The following CBL variants were observed in gnomAD, a reference collection of about 807,000 sequenced individuals.
The protein encoded by CBL is E3 ubiquitin-protein ligase CBL.
A neutral mutation model predicts 96.9 loss-of-function variants in CBL; 45 were observed. The ratio of observed to expected loss-of-function variants is 0.46; its 90% CI spans 0.37 to 0.60. CBL has a LOEUF of 0.60. Among genes scored for constraint, CBL ranks in the 20% least tolerant of loss-of-function variants. The pLI, the probability that CBL is intolerant of heterozygous loss-of-function variation, is 0.00. For missense variants in CBL, 1,024 were observed against 1,143.5 expected (o/e 0.90, Z 1.51); for synonymous variants, 420 against 426.8 (o/e 0.98, Z 0.20).
intron 2 of CBL, among the ~76,000 whole-genome samples, chr11:119,240,385 G>A (rs776334371): frequency 2.0e-4 from 31 of 152,092 alleles, no homozygotes; most frequent in Non-Finnish European, 3.4e-4. Context: ...CTGAAACCAG[G>A]ATTGAAATGT....
chr11:119,253,076 G>A (rs2135281549), intron 2 of CBL, among the ~76,000 whole-genome samples: 1 of 152,090 alleles, frequency 6.6e-6, no homozygotes, highest in South Asian at 2.1e-4. Context: ...TGTAGAATAA[G>A]GTTACATGCA....
Position 119,305,093 on chromosome 11 carries a change from A to G in CBL, c.*5312A>G, listed in dbSNP as rs1591274239. 4.5e-6 allele frequency: 1 copy of G among 219,796 alleles called. No homozygotes were observed. Among genetic ancestry groups the G allele is most frequent in the East Asian group, 6.6e-5 (1 of 15,078 alleles). The allele number at this position is 219,796 out of a possible 1,614,324, so 13.6% of individuals were successfully genotyped here. Reference sequence around the variant, plus strand: ...CAGAGACTCCACAGACACCCTAAAAAGGCTTCTACTCAAGAAGTAAAGCCA... The same window carrying G: ...CAGAGACTCCACAGACACCCTAAAAGGGCTTCTACTCAAGAAGTAAAGCCA... On this transcript the variant is annotated 3_prime_UTR_variant, in exon 16 of 16. Transcript: ENST00000264033.
At chr11:119,229,071 G>T (rs916431565) in intron 1 of CBL, among the ~76,000 whole-genome samples, 13 of 152,020 alleles carry the variant, frequency 8.6e-5, no homozygotes, top group Non-Finnish European at 1.8e-4. Flanking sequence ...TTAATATAAA[G>T]CATGTTTAGT....
chr11:119,269,007 C>G (rs1187305326), intron 2 of CBL, among the ~76,000 whole-genome samples: 1 of 152,208 alleles, frequency 6.6e-6, no homozygotes, highest in African/African-American at 2.4e-5. Flanking sequence ...GTCTGAGCCA[C>G]AGGCTGCTGA....
chr11:119,232,813 T>G (rs1033317635), intron 2 of CBL, 118 bp downstream of exon 2: 3 of 1,017,576 alleles, frequency 2.9e-6, no homozygotes, highest in Non-Finnish European at 4.5e-6. Flanking sequence ...AAGTTGACAT[T>G]TGATTTAAAG....
At chr11:119,211,914 A>G (rs1185163345) in intron 1 of CBL, among the ~76,000 whole-genome samples, 1 of 151,938 alleles carries the variant, frequency 6.6e-6, no homozygotes, top group Non-Finnish European at 1.5e-5. Context: ...TTTTATTTTT[A>G]TTTTATTTTT....
At position 119,306,110 on chromosome 11, in the gene CBL, G is replaced by A; in HGVS notation, c.*6329G>A. 1 of 395,998 alleles carries A rather than the reference G, an allele frequency of 2.5e-6. No individual in the cohort carries two copies. The highest frequency in any genetic ancestry group is 4.4e-6 in the Non-Finnish European group (1 of 224,852). 24.5% of individuals were successfully genotyped at this position (395,998 alleles called of 1,614,324 possible). A position where few individuals can be genotyped will look rare whatever the true frequency, so the allele number is the denominator to read the frequency against. ...TCTGGAAAGTAGCAAAAGAGTAGGA[G>A]ATGGGGAAATAGGGATGGGGAGAGC... On this transcript the variant is annotated 3_prime_UTR_variant, in exon 16 of 16. Transcript: ENST00000264033.
Position 119,303,227 on chromosome 11 carries a change from C to T in CBL, c.*3446C>T, listed in dbSNP as rs1950113588. On this transcript the variant is annotated 3_prime_UTR_variant, in exon 16 of 16. Coordinates refer to ENST00000264033, the MANE Select transcript of CBL (RefSeq NM_005188.4). ...GATAAAGCAGAATATTCTCCTACCT[C>T]ACGTCATTAAAGTCAGAAGATTATA... is the stretch of plus-strand genomic sequence containing the variant. 4.3e-6 allele frequency: 1 copy of T among 231,768 alleles called. No individual in the cohort carries two copies. The highest frequency in any genetic ancestry group is 2.2e-5 in the African/African-American group (1 of 45,258). The allele number at this position is 231,768 out of a possible 1,614,324, so 14.4% of individuals were successfully genotyped here. A position where few individuals can be genotyped will look rare whatever the true frequency, so the allele number is the denominator to read the frequency against.
chr11:119,302,697 G>T lies in CBL; in HGVS notation c.*2916G>T, dbSNP rs984262706. Reference sequence around the variant, plus strand: ...ACTGGACCTTTCCAGCTGTCGCCATGTTCCTTCCACTAAAGTAGAGGGTTC... The same window carrying T: ...ACTGGACCTTTCCAGCTGTCGCCATTTTCCTTCCACTAAAGTAGAGGGTTC... On this transcript the variant is annotated 3_prime_UTR_variant, in exon 16 of 16. Transcript: ENST00000264033. 11 of 231,394 alleles carry T rather than the reference G, an allele frequency of 4.8e-5. No homozygotes were observed. The highest frequency in any genetic ancestry group is 2.4e-4 in the African/African-American group (11 of 45,238). The allele number at this position is 231,394 out of a possible 1,614,324, so 14.3% of individuals were successfully genotyped here. A position where few individuals can be genotyped will look rare whatever the true frequency, so the allele number is the denominator to read the frequency against.
rs1950112754 is a variant in CBL at position 119,303,126 on chromosome 11, T to A, written c.*3345T>A. On this transcript the variant is annotated 3_prime_UTR_variant, in exon 16 of 16. Transcript: ENST00000264033. ...CAACTCACAAATTTTTATAACAAAA[T>A]TTCCTTGTAAAAACTAGGGACCATC... 1 of 231,756 alleles carries A rather than the reference T, an allele frequency of 4.3e-6. No individual in the cohort carries two copies. The highest frequency in any genetic ancestry group is 1.8e-4 in the South Asian group (1 of 5,516). The allele number at this position is 231,756 out of a possible 1,614,324, so 14.4% of individuals were successfully genotyped here. A position where few individuals can be genotyped will look rare whatever the true frequency, so the allele number is the denominator to read the frequency against.
Position 119,239,875 on chromosome 11 carries a change from TGGACAGCTGAGTGCTA to T in CBL, c.443+7182_443+7197del, listed in dbSNP as rs1949572119. On this transcript the variant is annotated intron_variant, in intron 2 of 15. Transcript: ENST00000264033. Reference sequence around the variant, plus strand: ...TTTTCTTTTTTTGATAGGTGAGTTGTGGACAGCTGAGTGCTAGTTAAATATAGTACATAGAAAGAAT... The same window carrying T: ...TTTTCTTTTTTTGATAGGTGAGTTGTGTTAAATATAGTACATAGAAAGAAT... 3.9e-5 allele frequency among the ~76,000 whole-genome samples: 6 copies of T among 152,238 alleles called. No homozygotes were observed. In the South Asian group the frequency reaches 1.2e-3, roughly 32 times the overall value.
chr11:119,239,010 C>T (rs1331450555), intron 2 of CBL, among the ~76,000 whole-genome samples: 2 of 152,098 alleles, frequency 1.3e-5, no homozygotes, highest in Admixed American at 1.3e-4. Context: ...TCTGTTGTTG[C>T]CCAGGCTGGA....
rs755938138 is a variant in CBL at position 119,298,496 on chromosome 11, GCTC to G, written c.2396_2398del (p.Ser799del). On this transcript the variant is annotated inframe_deletion, in exon 15 of 16. Coordinates refer to ENST00000264033, the MANE Select transcript of CBL (RefSeq NM_005188.4). Reference sequence around the variant, plus strand: ...ACTCTCTCAGATATCTCTAATGCCAGCTCCTCCTTTGGCTGGTTGTCTCTGGAT... The same window carrying G: ...ACTCTCTCAGATATCTCTAATGCCAGCTCCTTTGGCTGGTTGTCTCTGGAT... The G allele has an allele frequency of 1.5e-5, 24 of 1,614,084 alleles. No individual in the cohort carries two copies. Among genetic ancestry groups the G allele is most frequent in the Non-Finnish European group, 1.9e-5 (23 of 1,180,054 alleles).
rs142077499 is a variant in CBL at position 119,263,243 on chromosome 11, C to T, written c.444-8492C>T. On this transcript the variant is annotated intron_variant, in intron 2 of 15. Transcript: ENST00000264033. ...GTATTAGAAAGGTGAATTAGGACTA[C>T]ATTGTGAGTGCTTTCATGTATCAGG... Among the ~76,000 whole-genome samples the T allele has an allele frequency of 4.1e-3, 629 of 152,236 alleles. 10 individuals carry two copies. Among genetic ancestry groups the T allele is most frequent in the African/African-American group, 0.012 (492 of 41,544 alleles).
intron 2 of CBL, among the ~76,000 whole-genome samples, chr11:119,243,251 C>T (rs1187605192): frequency 6.6e-6 from 1 of 152,098 alleles, no homozygotes; most frequent in Non-Finnish European, 1.5e-5. Flanking sequence ...GCACTCCAGC[C>T]TGGACGACAG....
chr11:119,237,135 AACATAATATAC>A (rs1051264833), intron 2 of CBL, among the ~76,000 whole-genome samples: 1 of 152,198 alleles, frequency 6.6e-6, no homozygotes, highest in Non-Finnish European at 1.5e-5. Flanking sequence ...AGAGTGAGAA[AACATAATATAC>A]ACAGGGTTCA....
At chr11:119,275,570 G>A (rs1329149019) in intron 5 of CBL, among the ~76,000 whole-genome samples, 1 of 151,852 alleles carries the variant, frequency 6.6e-6, no homozygotes, top group African/African-American at 2.4e-5. Flanking sequence ...AAGCTCAGAA[G>A]TAGTTATTCT....
intron 2 of CBL, among the ~76,000 whole-genome samples, chr11:119,250,807 C>A (rs1209702403): frequency 6.6e-6 from 1 of 151,890 alleles, no homozygotes; most frequent in Non-Finnish European, 1.5e-5. Context: ...AAAAATTAGC[C>A]GGGTGTGGAG....
chr11:119,287,801 G>T (rs913325323), intron 11 of CBL, 51 bp from the exon 12 acceptor site: 1 of 1,123,932 alleles, frequency 8.9e-7, no homozygotes, highest in Non-Finnish European at 1.4e-6. Context: ...AAGAGCAGAG[G>T]CTCAGCTGTG....
Sources: allele counts gnomAD v4.1 joint callset (sites outside exome capture counted in the v4.1 genomes callset), GRCh38; gene constraint gnomAD v4.1.1; transcripts MANE v1.5; gene names NCBI Gene and HGNC (gene_info 2026-07-23, HGNC 2026-07-21).